STOX2: variants seen among roughly 807,000 people sequenced by gnomAD.
STOX2 encodes the protein storkhead-box protein 2.
In STOX2, 28 loss-of-function variants were observed where a neutral mutation model predicts 60.9. The ratio of observed to expected loss-of-function variants is 0.46; its 90% CI spans 0.34 to 0.63. The LOEUF is 0.63. Ranked by LOEUF, STOX2 falls within the 30% of genes least tolerant of loss-of-function variation. The pLI, the probability that STOX2 is intolerant of heterozygous loss-of-function variation, is 0.01. For missense variants in STOX2, 1,024 were observed against 1,187.7 expected (o/e 0.86, Z 2.03); for synonymous variants, 472 against 463.9 (o/e 1.02, Z -0.22).
chr4:183,874,973 ATATATATATATATATATAT>A (rs1560857851), intron 1 of STOX2, among the ~76,000 whole-genome samples: 26 of 110,674 alleles, frequency 2.3e-4, no homozygotes, highest in African/African-American at 8.1e-4. Context: ...ATATATATAT[ATATATATATATATATATAT>A]AAAACTTAGA....
intron 1 of STOX2, among the ~76,000 whole-genome samples, chr4:183,878,254 C>G (rs1175125354): frequency 6.6e-6 from 1 of 152,132 alleles, no homozygotes; most frequent in Non-Finnish European, 1.5e-5. Flanking sequence ...AGTGAACCTG[C>G]CTGGTAAAGG....
chr4:183,941,233 C>T (rs1436635614), intron 1 of STOX2, among the ~76,000 whole-genome samples: 1 of 152,116 alleles, frequency 6.6e-6, no homozygotes, highest in Non-Finnish European at 1.5e-5. Context: ...TCTTACTCAT[C>T]CTTTTGGTTC....
intron 1 of STOX2, among the ~76,000 whole-genome samples, chr4:183,947,283 G>A (rs1276546932): frequency 3.9e-5 from 6 of 152,096 alleles, no homozygotes; most frequent in African/African-American, 1.2e-4. Context: ...TTAATCGTTA[G>A]TTTTGATTAT....
At chr4:183,955,992 A>G (rs974440007) in intron 1 of STOX2, among the ~76,000 whole-genome samples, 3 of 152,114 alleles carry the variant, frequency 2.0e-5, no homozygotes, top group Admixed American at 6.5e-5. Context: ...ACATAACCCT[A>G]TTTCATTCAG....
intron 1 of STOX2, among the ~76,000 whole-genome samples, chr4:183,980,023 C>T (rs946439945): frequency 6.6e-6 from 1 of 152,170 alleles, no homozygotes; most frequent in Non-Finnish European, 1.5e-5. Context: ...CTAGTAGCTA[C>T]TCTATTTGAC....
intron 1 of STOX2, among the ~76,000 whole-genome samples, chr4:183,969,913 C>T (rs1224214808): frequency 7.2e-5 from 11 of 152,194 alleles, no homozygotes; most frequent in Non-Finnish European, 1.6e-4. Flanking sequence ...TGAGCCACCA[C>T]ACCCTGCCAT....
chr4:183,887,756 T>C (rs1028486384), intron 1 of STOX2, among the ~76,000 whole-genome samples: 4 of 152,238 alleles, frequency 2.6e-5, no homozygotes, highest in African/African-American at 9.6e-5. Flanking sequence ...ATTATTTTGT[T>C]TTATTTTGAG....
rs1190301987 is a variant in STOX2, at chr4:183,939,885, A to T, written c.166+32929A>T. Among the ~76,000 whole-genome samples the T allele has an allele frequency of 2.6e-5, 4 of 152,112 alleles. No homozygotes were observed. The East Asian group carries it at 7.7e-4, about 29-fold the overall frequency. ...AGATACATCAGGAGTGATCATAGTT[A>T]TGGTGTTTTCTTATTTAAAGATAGC... is the stretch of plus-strand genomic sequence containing the variant. On this transcript the variant is annotated intron_variant, in intron 1 of 3. Transcript: ENST00000308497.
chr4:183,922,392 G>A (rs986565917), intron 1 of STOX2, among the ~76,000 whole-genome samples: 3 of 150,160 alleles, frequency 2.0e-5, no homozygotes, highest in Non-Finnish European at 3.0e-5. Context: ...TGTCGCCCAG[G>A]CTAGAGTGCA....
chr4:183,807,570 A>G (rs529989331), intron 1 of STOX2, among the ~76,000 whole-genome samples: 1 of 152,234 alleles, frequency 6.6e-6, no homozygotes, highest in East Asian at 1.9e-4. Context: ...TCTCTAGGGA[A>G]CACTTGCGCT....
intron 1 of STOX2, among the ~76,000 whole-genome samples, chr4:183,826,315 C>T (rs555919052): frequency 6.6e-6 from 1 of 152,264 alleles, no homozygotes; most frequent in African/African-American, 2.4e-5. Context: ...TTCCCTGAGC[C>T]TTGCCCCTCA....
chr4:183,839,025 A>ACACG (rs1035682932), intron 1 of STOX2, among the ~76,000 whole-genome samples: 10 of 149,562 alleles, frequency 6.7e-5, no homozygotes, highest in African/African-American at 2.2e-4. Flanking sequence ...GCGCGCGCGC[A>ACACG]CACACACACA....
intron 2 of STOX2, among the ~76,000 whole-genome samples, chr4:184,003,050 C>G (rs1418224803): frequency 2.6e-5 from 4 of 152,206 alleles, no homozygotes; most frequent in African/African-American, 9.7e-5. Flanking sequence ...AGGCAAACGC[C>G]TTTCCTTTTA....
At chr4:184,000,752 A>G (rs1256188262) in intron 1 of STOX2, among the ~76,000 whole-genome samples, 20 of 126,364 alleles carry the variant, frequency 1.6e-4, no homozygotes, top group Non-Finnish European at 1.8e-4. Flanking sequence ...CTCGACTCTC[A>G]GCACCCAGGT....
intron 1 of STOX2, among the ~76,000 whole-genome samples, chr4:183,855,825 A>C (rs934646216): frequency 6.6e-6 from 1 of 152,206 alleles, no homozygotes; most frequent in Non-Finnish European, 1.5e-5. Context: ...AAGCGTGCAA[A>C]TGTGGGGCAA....
intron 1 of STOX2, among the ~76,000 whole-genome samples, chr4:183,884,631 G>A (rs750642504): frequency 2.6e-5 from 4 of 152,050 alleles, no homozygotes; most frequent in Non-Finnish European, 4.4e-5. Context: ...CTGCTTTTAC[G>A]TTTCTTTAGT....
Position 184,017,833 on chromosome 4 carries a change from T to A in STOX2, c.*549T>A, listed in dbSNP as rs1256042935. ...AACTAGAAGGGACCCCGGCCCTTTG[T>A]GTGTGAATTGTTTATGCACCAGTCA... is the stretch of plus-strand genomic sequence containing the variant. On this transcript the variant is annotated 3_prime_UTR_variant, in exon 4 of 4. Coordinates refer to ENST00000308497, the MANE Select transcript of STOX2 (RefSeq NM_020225.3). 1 of 152,168 alleles carries A rather than the reference T, an allele frequency of 6.6e-6. No homozygotes were observed. Among genetic ancestry groups the A allele is most frequent in the Non-Finnish European group, 1.5e-5 (1 of 68,036 alleles). The allele number at this position is 152,168 out of a possible 1,614,324, so 9.4% of individuals were successfully genotyped here. A position where few individuals can be genotyped will look rare whatever the true frequency, so the allele number is the denominator to read the frequency against.
intron 1 of STOX2, among the ~76,000 whole-genome samples, chr4:183,833,936 C>T (rs1019810583): frequency 2.7e-5 from 4 of 146,876 alleles, no homozygotes; most frequent in African/African-American, 9.8e-5. Flanking sequence ...GAGCCGAGAT[C>T]CCGCCACTGC....
chr4:183,927,355 G>T (rs1742270758), intron 1 of STOX2, among the ~76,000 whole-genome samples: 1 of 152,232 alleles, frequency 6.6e-6, no homozygotes, highest in Admixed American at 6.5e-5. Context: ...CTTCATCAAT[G>T]TAAAACCTTG....
Sources: allele counts gnomAD v4.1 joint callset (sites outside exome capture counted in the v4.1 genomes callset), GRCh38; gene constraint gnomAD v4.1.1; transcripts MANE v1.5; gene names NCBI Gene and HGNC (gene_info 2026-07-23, HGNC 2026-07-21).